ATP9B: variants seen among roughly 807,000 people sequenced by gnomAD.
ATP9B encodes probable phospholipid-transporting ATPase IIB.
In ATP9B, 110 loss-of-function variants were observed where a neutral mutation model predicts 146.1. That is an observed-to-expected ratio of 0.75 (90% confidence interval 0.65 to 0.88). ATP9B has a LOEUF of 0.88. ATP9B is among the 40% of genes least tolerant of loss of function. ATP9B has a pLI of 0.00. For missense variants in ATP9B, 1,499 were observed against 1,496.4 expected, an observed-to-expected ratio of 1.00 and a Z score of -0.03; for synonymous variants, 604 against 569.7, an observed-to-expected ratio of 1.06 and a Z score of -0.86.
chr18:79,085,250 A>G (rs1395087268), intron 1 of ATP9B: 1 of 152,188 alleles, frequency 6.6e-6, no homozygotes, highest in Non-Finnish European at 1.5e-5. Context: ...GGGACTCATG[A>G]GAGGACCACC....
At chr18:79,232,683 A>G (rs771330964) in intron 11 of ATP9B, among the ~76,000 whole-genome samples, 1 of 152,232 alleles carries the variant, frequency 6.6e-6, no homozygotes, top group Non-Finnish European at 1.5e-5. Flanking sequence ...ATGACCAGAT[A>G]GGGAATCTAA....
At chr18:79,359,822 C>A in intron 26 of ATP9B, 1 of 248,978 alleles carries the variant, frequency 4.0e-6, no homozygotes, top group Non-Finnish European at 8.2e-6. Flanking sequence ...GAAAGGCTCC[C>A]CCGGACAGCG....
intron 26 of ATP9B, among the ~76,000 whole-genome samples, chr18:79,365,143 A>G (rs1047404315): frequency 2.6e-5 from 4 of 152,238 alleles, no homozygotes; most frequent in African/African-American, 9.6e-5. Context: ...TCTATAGTAT[A>G]TAAGAAACCC....
At chr18:79,312,185 CAA>C (rs1181775369) in intron 15 of ATP9B, among the ~76,000 whole-genome samples, 2 of 152,176 alleles carry the variant, frequency 1.3e-5, no homozygotes, top group Non-Finnish European at 2.9e-5. Context: ...GTGCCCCATC[CAA>C]ATGCTCTTCC....
chr18:79,275,680 C>T (rs1294511104), intron 12 of ATP9B, among the ~76,000 whole-genome samples: 3 of 152,274 alleles, frequency 2.0e-5, no homozygotes, highest in Non-Finnish European at 4.4e-5. Context: ...CAGGGAGCTG[C>T]AGCCGTCCTG....
chr18:79,184,954 A>G (rs1048310344), intron 8 of ATP9B, among the ~76,000 whole-genome samples: 4 of 149,508 alleles, frequency 2.7e-5, no homozygotes, highest in South Asian at 4.2e-4. Context: ...GTACAGAATC[A>G]AAACACTATA....
At chr18:79,353,311 C>T (rs1278690815) in intron 25 of ATP9B, 1 of 152,270 alleles carries the variant, frequency 6.6e-6, no homozygotes, top group Non-Finnish European at 1.5e-5. Flanking sequence ...CAAACCGACA[C>T]AGGGACTCTC....
intron 15 of ATP9B, among the ~76,000 whole-genome samples, chr18:79,312,187 A>G (rs1031594286): frequency 4.6e-5 from 7 of 151,982 alleles, no homozygotes; most frequent in African/African-American, 1.4e-4. Context: ...GCCCCATCCA[A>G]ATGCTCTTCC....
intron 9 of ATP9B, among the ~76,000 whole-genome samples, chr18:79,196,952 G>A (rs2095423027): frequency 6.6e-6 from 1 of 152,136 alleles, no homozygotes; most frequent in Admixed American, 6.5e-5. Flanking sequence ...GGTAGGAGAG[G>A]CATAGAAGAG....
rs534221360 is a variant in ATP9B at position 79,089,765 on chromosome 18, T to A, written c.120-6711T>A. 1.5e-4 allele frequency among the ~76,000 whole-genome samples: 23 copies of A among 152,346 alleles called. 1 individual carries two copies. The East Asian group carries it at 3.5e-3, about 23-fold the overall frequency. ...CTCCAGCATTTATCATTTCTTTGTG[T>A]TAGGAACTTTGCAATTTTATTCTTT... On this transcript the variant is annotated intron_variant, in intron 1 of 29. Transcript: ENST00000426216.
At chr18:79,149,170 C>T (rs991049717) in intron 6 of ATP9B, among the ~76,000 whole-genome samples, 1 of 152,110 alleles carries the variant, frequency 6.6e-6, no homozygotes, top group Non-Finnish European at 1.5e-5. Flanking sequence ...CATAGATCAT[C>T]TTACTCTAAA....
intron 15 of ATP9B, among the ~76,000 whole-genome samples, chr18:79,308,703 T>C: frequency 1.5e-5 from 2 of 131,694 alleles, no homozygotes; most frequent in South Asian, 2.8e-4. Context: ...AGGTAGAAGG[T>C]CAGGGGTGGT....
At chr18:79,302,630 G>A (rs2096598488) in intron 13 of ATP9B, among the ~76,000 whole-genome samples, 1 of 152,136 alleles carries the variant, frequency 6.6e-6, no homozygotes, top group African/African-American at 2.4e-5. Context: ...CCTAATACAT[G>A]GCCCAACTTT....
Position 79,342,301 on chromosome 18 carries a change from G to C in ATP9B, c.2317G>C (p.Ala773Pro). 10 of 1,613,744 alleles carry C rather than the reference G, an allele frequency of 6.2e-6. No individual in the cohort carries two copies. The highest frequency in any genetic ancestry group is 8.5e-6 in the Non-Finnish European group (10 of 1,179,756). Residue 773 changes from alanine to proline, a missense_variant, in exon 20 of 30, where the codon GCT (alanine) becomes CCT (proline). Physicochemically the swap from Ala to Pro is conservative, Grantham distance 27 (BLOSUM62 -1). Coordinates refer to ENST00000426216, the MANE Select transcript of ATP9B (RefSeq NM_198531.5). ...WMLTGDKLETATCIAKSSHLV... is the reference protein window; with the variant it reads ...WMLTGDKLETPTCIAKSSHLV... ...GCTAACAGGCGATAAACTCGAGACAGCTACCTGCATTGCCAAAAGTTCACA... is the reference window on the plus strand; with the variant it reads ...GCTAACAGGCGATAAACTCGAGACACCTACCTGCATTGCCAAAAGTTCACA...
chr18:79,157,415 A>ACAAAACAAAAC (rs1245111686), intron 7 of ATP9B, among the ~76,000 whole-genome samples: 4 of 149,828 alleles, frequency 2.7e-5, no homozygotes, highest in East Asian at 3.9e-4. Context: ...AAAAAAAAAA[A>ACAAAACAAAAC]AAAAAAAAAC....
intron 25 of ATP9B, among the ~76,000 whole-genome samples, chr18:79,355,806 T>C (rs1428994121): frequency 6.6e-6 from 1 of 152,204 alleles, no homozygotes; most frequent in African/African-American, 2.4e-5. Flanking sequence ...GACAGTCAAA[T>C]TCACACCAAG....
intron 1 of ATP9B, chr18:79,095,860 G>C (rs1181830847): frequency 6.6e-6 from 1 of 152,212 alleles, no homozygotes; most frequent in Non-Finnish European, 1.5e-5. Flanking sequence ...GAAATCAAGA[G>C]GATTGTTGAG....
chr18:79,168,932 C>G (rs546883932), intron 7 of ATP9B, among the ~76,000 whole-genome samples: 1 of 152,124 alleles, frequency 6.6e-6, no homozygotes, highest in Non-Finnish European at 1.5e-5. Flanking sequence ...CTGTCCTTCT[C>G]TCTTCTCCTC....
At chr18:79,245,360 T>G (rs2095934148) in intron 11 of ATP9B, among the ~76,000 whole-genome samples, 1 of 152,216 alleles carries the variant, frequency 6.6e-6, no homozygotes, top group African/African-American at 2.4e-5. Context: ...ATTGAAGGAA[T>G]TATTTTAAAT....
Sources: gnomAD v4.1 joint callset for allele counts (sites outside exome capture counted in the v4.1 genomes callset) on GRCh38, gnomAD v4.1.1 for gene constraint, MANE v1.5 for transcripts, NCBI Gene and HGNC (gene_info 2026-07-23, HGNC 2026-07-21) for gene names.